The following BBX variants were observed in gnomAD, a reference collection of about 807,000 sequenced individuals.
The protein encoded by BBX is BBX high mobility group box domain containing.
In BBX, 30 loss-of-function variants were observed where a neutral mutation model predicts 100.2. That is an observed-to-expected ratio of 0.30 (90% CI 0.22 to 0.41). The LOEUF (loss-of-function observed/expected upper bound fraction) is 0.41. Among genes scored for constraint, BBX ranks in the 10% least tolerant of loss-of-function variants. The pLI, the probability that BBX is intolerant of heterozygous loss-of-function variation, is 1.00. For missense variants in BBX, 1,023 were observed against 1,129.8 expected, an observed-to-expected ratio of 0.91 and a Z score of 1.35; for synonymous variants, 376 against 388.1, an observed-to-expected ratio of 0.97 and a Z score of 0.37.
At chr3:107,777,551 T>G (rs1012037262) in intron 12 of BBX, among the ~76,000 whole-genome samples, 14 of 152,150 alleles carry the variant, frequency 9.2e-5, no homozygotes, top group African/African-American at 3.1e-4. Context: ...GCATGTTAGT[T>G]TAATAAGTCT....
chr3:107,621,111 A>G (rs545141815), intron 2 of BBX, among the ~76,000 whole-genome samples: 3 of 152,110 alleles, frequency 2.0e-5, no homozygotes, highest in Admixed American at 2.0e-4. Context: ...TTTTTCTGTG[A>G]TGATTGGCTT....
chr3:107,745,801 G>C (rs535353240), intron 8 of BBX, among the ~76,000 whole-genome samples: 21 of 152,058 alleles, frequency 1.4e-4, no homozygotes, highest in Admixed American at 6.5e-4. Flanking sequence ...AAATAAGATT[G>C]GTCCCAACTT....
chr3:107,693,816 C>A (rs569494972), intron 3 of BBX, among the ~76,000 whole-genome samples: 131 of 150,530 alleles, frequency 8.7e-4, no homozygotes, highest in Non-Finnish European at 5.9e-4. Context: ...GATATTGATT[C>A]TTCCTACCCA....
intron 3 of BBX, among the ~76,000 whole-genome samples, chr3:107,669,638 T>C (rs1048516395): frequency 6.6e-6 from 1 of 152,184 alleles, no homozygotes; most frequent in Non-Finnish European, 1.5e-5. Context: ...GAAACTGCTA[T>C]AGTTATCTCT....
chr3:107,601,429 G>A (rs1313659088), intron 2 of BBX, among the ~76,000 whole-genome samples: 1 of 152,172 alleles, frequency 6.6e-6, no homozygotes, highest in East Asian at 1.9e-4. Context: ...TGAATGCAAA[G>A]GAAAAGTTCT....
chr3:107,564,079 A>C (rs1400288347), intron 2 of BBX, among the ~76,000 whole-genome samples: 1 of 151,174 alleles, frequency 6.6e-6, no homozygotes, highest in Admixed American at 6.6e-5. Flanking sequence ...TTTTTTTTCC[A>C]GTCTGATTTG....
intron 3 of BBX, among the ~76,000 whole-genome samples, chr3:107,697,365 G>A (rs1481010572): frequency 1.3e-5 from 2 of 151,854 alleles, no homozygotes; most frequent in East Asian, 3.9e-4. Flanking sequence ...GTGATGTACA[G>A]ATGGGTTTTT....
intron 2 of BBX, among the ~76,000 whole-genome samples, chr3:107,583,617 A>T (rs1377769416): frequency 6.6e-6 from 1 of 151,678 alleles, no homozygotes; most frequent in African/African-American, 2.4e-5. Flanking sequence ...ATTTTGAAGT[A>T]TACAATAAAT....
chr3:107,765,528 T>C (rs2066319588), intron 10 of BBX, among the ~76,000 whole-genome samples: 1 of 152,054 alleles, frequency 6.6e-6, no homozygotes, highest in Admixed American at 6.6e-5. Flanking sequence ...CCCACACTGG[T>C]CTGAAACTCC....
intron 2 of BBX, among the ~76,000 whole-genome samples, chr3:107,572,603 T>C (rs1454966918): frequency 6.6e-6 from 1 of 152,200 alleles, no homozygotes; most frequent in Non-Finnish European, 1.5e-5. Context: ...AACATCAATA[T>C]GGTATAATCA....
Position 107,716,814 on chromosome 3 carries a change from A to G in BBX, c.370A>G (p.Lys124Glu). Residue 124 changes from lysine to glutamate, a missense_variant, in exon 5 of 18, where the codon AAG (lysine) becomes GAG (glutamate). Lys to Glu is a moderately conservative substitution (Grantham distance 56, BLOSUM62 1). Around this residue, in one of 9 missense-constraint regions of BBX, gnomAD observed 229 missense variants for 226.3 expected, o/e 1.01. Transcript: ENST00000325805. The part of the protein sequence containing the change: ...LADWWAVLDP[K>E]EKQKYTDMAK... ...TGATTGGTGGGCTGTTCTTGATCCAAAGGAAAAGCAGAAATACACAGACAT... is the reference window on the plus strand; with the variant it reads ...TGATTGGTGGGCTGTTCTTGATCCAGAGGAAAAGCAGAAATACACAGACAT... The G allele has an allele frequency of 6.2e-7, 1 of 1,613,586 alleles. No homozygotes were observed. Among genetic ancestry groups the G allele is most frequent in the Non-Finnish European group, 8.5e-7 (1 of 1,179,624 alleles).
intron 17 of BBX, among the ~76,000 whole-genome samples, chr3:107,801,981 C>T (rs892990341): frequency 9.9e-5 from 15 of 152,188 alleles, no homozygotes; most frequent in African/African-American, 3.1e-4. Flanking sequence ...AAGCATCAGA[C>T]GAGATCATAG....
intron 2 of BBX, among the ~76,000 whole-genome samples, chr3:107,589,985 A>G (rs567159091): frequency 6.6e-6 from 1 of 151,998 alleles, no homozygotes; most frequent in East Asian, 1.9e-4. Flanking sequence ...TTTTTTTTAT[A>G]GGTCTTAAGT....
intron 2 of BBX, among the ~76,000 whole-genome samples, chr3:107,636,692 C>T (rs576020832): frequency 2.6e-5 from 4 of 152,130 alleles, no homozygotes; most frequent in Non-Finnish European, 4.4e-5. Flanking sequence ...CAAAGGATAA[C>T]CCTTATGTCT....
At chr3:107,612,450 TA>T (rs1273739734) in intron 2 of BBX, among the ~76,000 whole-genome samples, 2 of 152,202 alleles carry the variant, frequency 1.3e-5, no homozygotes, top group African/African-American at 2.4e-5. Context: ...GTATCTGTAT[TA>T]GGGGGCACCT....
At chr3:107,767,739 A>G (rs1024840352) in intron 10 of BBX, among the ~76,000 whole-genome samples, 4 of 152,164 alleles carry the variant, frequency 2.6e-5, no homozygotes, top group Non-Finnish European at 5.9e-5. Flanking sequence ...GAAAAGGGTC[A>G]TTGTCAAATG....
At chr3:107,615,419 C>T (rs906156507) in intron 2 of BBX, among the ~76,000 whole-genome samples, 2 of 152,016 alleles carry the variant, frequency 1.3e-5, no homozygotes, top group African/African-American at 4.8e-5. Context: ...GTCCAGGATC[C>T]GGGCATATAA....
At chr3:107,700,501 G>A (rs11707989) in intron 3 of BBX, among the ~76,000 whole-genome samples, 42,246 of 146,988 alleles carry the variant, frequency 0.29, 7,562 homozygotes, top group East Asian at 0.91. Context: ...GGTTTGTTAC[G>A]TATGTATACA....
rs781598418 is a variant in BBX, at chr3:107,773,663, G to T, written c.1915+27G>T. 2 of 1,560,970 alleles carry T rather than the reference G, an allele frequency of 1.3e-6. No homozygotes were observed. The highest frequency in any genetic ancestry group is 8.6e-7 in the Non-Finnish European group (1 of 1,158,992). On this transcript the variant is annotated intron_variant, in intron 11 of 17. Coordinates refer to ENST00000325805, the MANE Select transcript of BBX (RefSeq NM_001142568.3). This position sits in a 1 kb window ranked among gnomAD's most constrained non-coding sequence, Gnocchi z 4.1. ...TAAGTAACTTCTACAAACCTGAAAA[G>T]AATTCAAAAACCAAACAGAATTTCA...
Sources: allele counts gnomAD v4.1 joint callset (sites outside exome capture counted in the v4.1 genomes callset), GRCh38; gene constraint gnomAD v4.1.1; regional missense constraint gnomAD v4.1.1; non-coding constraint Gnocchi (gnomAD v3.1); transcripts MANE v1.5; gene names NCBI Gene and HGNC (gene_info 2026-07-23, HGNC 2026-07-21).